Variants in AKAP6 observed in about 807,000 individuals in gnomAD.
AKAP6 encodes A-kinase anchoring protein 6.
In AKAP6, 58 loss-of-function variants were observed where a neutral mutation model predicts 188.5. That is an observed-to-expected ratio of 0.31 (90% CI 0.25 to 0.38). The LOEUF (loss-of-function observed/expected upper bound fraction) is 0.38. Ranked by LOEUF, AKAP6 falls within the 10% of genes least tolerant of loss-of-function variation. The pLI, the probability that AKAP6 is intolerant of heterozygous loss-of-function variation, is 1.00. For synonymous variants in AKAP6, 989 were observed against 998.6 expected, an observed-to-expected ratio of 0.99 and a Z score of 0.18; for missense variants, 2,710 against 2,740.0, an observed-to-expected ratio of 0.99 and a Z score of 0.24.
chr14:32,726,549 T>A (rs564765076), intron 9 of AKAP6, among the ~76,000 whole-genome samples: 1 of 152,354 alleles, frequency 6.6e-6, no homozygotes, highest in South Asian at 2.1e-4. Context: ...CAGGCAAACA[T>A]CTTGAAGAGA....
At chr14:32,447,279 A>G (rs188429784) in intron 2 of AKAP6, among the ~76,000 whole-genome samples, 23 of 152,366 alleles carry the variant, frequency 1.5e-4, no homozygotes, top group Admixed American at 3.9e-4. Context: ...AACAAAGCTA[A>G]GAGCTTTTTA....
At chr14:32,427,464 A>G (rs558065859) in intron 1 of AKAP6, among the ~76,000 whole-genome samples, 10 of 152,312 alleles carry the variant, frequency 6.6e-5, no homozygotes, top group South Asian at 2.1e-4. Flanking sequence ...AAGCCATTTA[A>G]AGTTTCCCAG....
At chr14:32,787,201 AGAAAG>A (rs1199818575) in intron 12 of AKAP6, among the ~76,000 whole-genome samples, 1 of 152,242 alleles carries the variant, frequency 6.6e-6, no homozygotes, top group Non-Finnish European at 1.5e-5. Flanking sequence ...ACTTTACAAA[AGAAAG>A]GAAAGAATGA....
At chr14:32,576,910 C>T (rs1018149850) in intron 4 of AKAP6, among the ~76,000 whole-genome samples, 1 of 152,106 alleles carries the variant, frequency 6.6e-6, no homozygotes, top group African/African-American at 2.4e-5. Context: ...GAGAGGGAAG[C>T]ATTGACAGTT....
chr14:32,753,793 G>A (rs751322255), intron 11 of AKAP6, among the ~76,000 whole-genome samples: 7 of 151,966 alleles, frequency 4.6e-5, no homozygotes, highest in Admixed American at 2.0e-4. Flanking sequence ...TTCCCATGGC[G>A]TGTTCTTGCT....
intron 7 of AKAP6, among the ~76,000 whole-genome samples, chr14:32,660,848 A>G (rs1888656903): frequency 6.7e-6 from 1 of 150,068 alleles, no homozygotes; most frequent in Non-Finnish European, 1.5e-5. Flanking sequence ...TTACTATCTT[A>G]TGGCTTTTCT....
chr14:32,356,825 C>G (rs867869501), intron 1 of AKAP6, among the ~76,000 whole-genome samples: 1 of 152,058 alleles, frequency 6.6e-6, no homozygotes, highest in Admixed American at 6.6e-5. Flanking sequence ...ATTATATCCC[C>G]TAGCCTTGCT....
chr14:32,459,414 T>C (rs1043184514), intron 2 of AKAP6, among the ~76,000 whole-genome samples: 5 of 152,052 alleles, frequency 3.3e-5, no homozygotes, highest in African/African-American at 1.2e-4. Flanking sequence ...AGGGATAAGG[T>C]TTTGAGAAAA....
At chr14:32,505,895 G>T (rs183059460) in intron 2 of AKAP6, among the ~76,000 whole-genome samples, 1 of 152,126 alleles carries the variant, frequency 6.6e-6, no homozygotes, top group Non-Finnish European at 1.5e-5. Context: ...GCTTTTTATG[G>T]TAGATTTTTT....
rs141812651 is a variant in AKAP6 at position 32,703,968 on chromosome 14, A to G, written c.3000+7858A>G. ...TCTTGTTAGCCTAGAGAATAAACTA[A>G]TCTTGGATGTACTTGGCCAACGGGA... On this transcript the variant is annotated intron_variant, in intron 9 of 13. Coordinates refer to ENST00000280979, the MANE Select transcript of AKAP6 (RefSeq NM_004274.5). Among the ~76,000 whole-genome samples, 508 of 152,288 alleles carry G rather than the reference A, an allele frequency of 3.3e-3. 1 individual carries two copies. Among genetic ancestry groups the G allele is most frequent in the Non-Finnish European group, 5.5e-3 (376 of 68,024 alleles).
chr14:32,735,925 G>T (rs754352256), intron 11 of AKAP6, 43 bp downstream of exon 11: 1 of 1,398,900 alleles, frequency 7.1e-7, no homozygotes, highest in Admixed American at 2.0e-5. Context: ...CTCTTTTTAT[G>T]GTAGGGATGA....
chr14:32,813,169 G>A (rs916208569), intron 12 of AKAP6, among the ~76,000 whole-genome samples: 1 of 152,026 alleles, frequency 6.6e-6, no homozygotes, highest in African/African-American at 2.4e-5. Flanking sequence ...ATTGCTAGAA[G>A]AGCTCAAGGA....
chr14:32,530,595 G>A (rs1297671711), intron 2 of AKAP6, among the ~76,000 whole-genome samples: 2 of 152,112 alleles, frequency 1.3e-5, no homozygotes, highest in Non-Finnish European at 2.9e-5. Context: ...GAAAGGGTAT[G>A]ATGGCCTCAT....
chr14:32,655,806 T>G (rs943832200), intron 7 of AKAP6, among the ~76,000 whole-genome samples: 3 of 152,096 alleles, frequency 2.0e-5, no homozygotes, highest in Non-Finnish European at 4.4e-5. Flanking sequence ...AAAAGGAGAT[T>G]AGGGTCAGAC....
chr14:32,700,046 T>C (rs1890560742), intron 9 of AKAP6, among the ~76,000 whole-genome samples: 1 of 152,240 alleles, frequency 6.6e-6, no homozygotes, highest in African/African-American at 2.4e-5. Flanking sequence ...GGTGGCATTA[T>C]TCTTGGGCTT....
Position 32,394,093 on chromosome 14 carries a change from T to G in AKAP6, c.-34-39367T>G, listed in dbSNP as rs1385698685. ...ATAATATAGTGCATGAATTCTGCCT[T>G]TTTGAGTATGAAATTGACAACTGGC... On this transcript the variant is annotated intron_variant, in intron 1 of 13. Transcript: ENST00000280979. 2.6e-5 allele frequency among the ~76,000 whole-genome samples: 4 copies of G among 152,160 alleles called. No homozygotes were observed. In the East Asian group the frequency reaches 7.7e-4, roughly 29 times the overall value.
At chr14:32,332,953 G>T (rs1367648013) in intron 1 of AKAP6, among the ~76,000 whole-genome samples, 1 of 152,132 alleles carries the variant, frequency 6.6e-6, no homozygotes, top group Non-Finnish European at 1.5e-5. Context: ...TCCACGCCCA[G>T]CGTCATTATT....
intron 7 of AKAP6, among the ~76,000 whole-genome samples, chr14:32,654,528 T>C (rs1888368633): frequency 6.6e-6 from 1 of 152,060 alleles, no homozygotes; most frequent in South Asian, 2.1e-4. Context: ...TGATAGTCTT[T>C]TTAAAAGATA....
chr14:32,421,465 A>C (rs904094537), intron 1 of AKAP6, among the ~76,000 whole-genome samples: 2 of 151,922 alleles, frequency 1.3e-5, no homozygotes, highest in African/African-American at 4.8e-5. Flanking sequence ...TTATTTTCCC[A>C]GAGTCCTTTT....
Sources: allele counts gnomAD v4.1 joint callset (sites outside exome capture counted in the v4.1 genomes callset), GRCh38; gene constraint gnomAD v4.1.1; transcripts MANE v1.5; gene names NCBI Gene and HGNC (gene_info 2026-07-23, HGNC 2026-07-21).